Variants in DPH6 observed in about 807,000 individuals in gnomAD.
The protein encoded by DPH6 is diphthine--ammonia ligase.
Under a neutral mutation model 38.2 loss-of-function variants are expected in DPH6, and 33 were observed. That is an observed-to-expected ratio of 0.86 (90% CI 0.65 to 1.15). The LOEUF is 1.15. Among genes scored for constraint, DPH6 ranks in the 50% most tolerant of loss-of-function variants. DPH6 has a pLI of 0.00. For synonymous variants in DPH6, 108 were observed against 103.0 expected (o/e 1.05, Z -0.30); for missense variants, 325 against 320.0 (o/e 1.02, Z -0.12).
intron 3 of DPH6, among the ~76,000 whole-genome samples, chr15:35,477,824 T>C (rs1254866047): frequency 6.6e-6 from 1 of 151,922 alleles, no homozygotes; most frequent in Non-Finnish European, 1.5e-5. Flanking sequence ...TGCTTTCAAT[T>C]TAATTAGTAT....
chr15:35,460,921 AG>A (rs1382498222), intron 3 of DPH6, among the ~76,000 whole-genome samples: 13 of 151,212 alleles, frequency 8.6e-5, no homozygotes, highest in African/African-American at 2.7e-4. Context: ...AAAAAAAAAA[AG>A]GTTCATTACT....
intron 3 of DPH6, among the ~76,000 whole-genome samples, chr15:35,269,530 G>A (rs1032853545): frequency 1.3e-5 from 2 of 151,260 alleles, no homozygotes; most frequent in South Asian, 4.2e-4. Context: ...TCTGCCTCCC[G>A]GGGTCACGCC....
the DPH6 span, among the ~76,000 whole-genome samples, chr15:35,195,899 G>A: frequency 6.6e-6 from 1 of 152,000 alleles, no homozygotes; most frequent in East Asian, 1.9e-4. Context: ...CTATCTACGG[G>A]AATTTCAGCT....
intron 3 of DPH6, among the ~76,000 whole-genome samples, chr15:35,228,642 A>G (rs1395345555): frequency 6.6e-6 from 1 of 152,110 alleles, no homozygotes; most frequent in African/African-American, 2.4e-5. Flanking sequence ...GCCCAGGCTG[A>G]ACCAGTGAGT....
chr15:35,349,243 G>A (rs1404284735), intron 3 of DPH6, among the ~76,000 whole-genome samples: 1 of 152,060 alleles, frequency 6.6e-6, no homozygotes, highest in Non-Finnish European at 1.5e-5. Flanking sequence ...ATCTTAAGAG[G>A]AAAAGCTTAC....
At chr15:35,199,054 G>C in the DPH6 span, among the ~76,000 whole-genome samples, 1 of 151,938 alleles carries the variant, frequency 6.6e-6, no homozygotes, top group Admixed American at 6.6e-5. Flanking sequence ...CGAGTAGCTG[G>C]GACTACAGGC....
At chr15:35,277,222 C>T (rs1373941481) in intron 3 of DPH6, among the ~76,000 whole-genome samples, 2 of 152,106 alleles carry the variant, frequency 1.3e-5, no homozygotes, top group East Asian at 3.9e-4. Context: ...TGATTCTCAG[C>T]TTGGTTCCTG....
intron 3 of DPH6, among the ~76,000 whole-genome samples, chr15:35,512,015 G>T (rs1314117525): frequency 1.3e-5 from 2 of 151,938 alleles, no homozygotes; most frequent in Admixed American, 6.6e-5. Flanking sequence ...AATAATAAAA[G>T]TTCATAAAAA....
the DPH6 span, among the ~76,000 whole-genome samples, chr15:35,175,642 A>G: frequency 1.5e-5 from 2 of 134,762 alleles, no homozygotes; most frequent in Non-Finnish European, 3.2e-5. Context: ...ACCAACACAT[A>G]AATGTTATAT....
chr15:35,165,944 A>G, the DPH6 span, among the ~76,000 whole-genome samples: 1 of 151,948 alleles, frequency 6.6e-6, no homozygotes, highest in African/African-American at 2.4e-5. Flanking sequence ...CATATCAGTT[A>G]ATTTGGGGGC....
intron 3 of DPH6, among the ~76,000 whole-genome samples, chr15:35,473,685 T>C (rs1013897462): frequency 3.9e-5 from 6 of 152,040 alleles, no homozygotes; most frequent in African/African-American, 9.7e-5. Flanking sequence ...TAAAAACTTA[T>C]AGATATATTC....
chr15:35,245,111 A>T (rs1201817793), intron 3 of DPH6, among the ~76,000 whole-genome samples: 1 of 152,198 alleles, frequency 6.6e-6, no homozygotes, highest in Admixed American at 6.5e-5. Context: ...GGAAAAAAAA[A>T]TGAACAATTT....
chr15:35,231,748 G>C (rs982717818), intron 3 of DPH6, among the ~76,000 whole-genome samples: 5 of 152,170 alleles, frequency 3.3e-5, no homozygotes, highest in Non-Finnish European at 7.3e-5. Context: ...TCGGCTTCTG[G>C]TGAGGCCTCA....
chr15:35,387,750 G>A (rs547345095), intron 6 of DPH6, among the ~76,000 whole-genome samples: 13 of 152,206 alleles, frequency 8.5e-5, no homozygotes, highest in East Asian at 7.7e-4. Context: ...GGGCTGAGAC[G>A]ATGGGGTTTT....
At chr15:35,447,321 A>G (rs994041037) in intron 5 of DPH6, among the ~76,000 whole-genome samples, 1 of 152,156 alleles carries the variant, frequency 6.6e-6, no homozygotes, top group Non-Finnish European at 1.5e-5. Context: ...TACCACGGAG[A>G]GATACCAAAT....
chr15:35,284,866 G>T (rs1177537584), intron 3 of DPH6, among the ~76,000 whole-genome samples: 1 of 120,988 alleles, frequency 8.3e-6, no homozygotes, highest in Admixed American at 1.2e-4. Context: ...AGGCTGGAAT[G>T]CAGTGGTGCA....
the DPH6 span, among the ~76,000 whole-genome samples, chr15:35,149,644 C>A: frequency 2.6e-5 from 4 of 152,222 alleles, no homozygotes; most frequent in Admixed American, 1.3e-4. Context: ...TCTGGCCTGG[C>A]TATCACCATG....
At chr15:35,334,177 C>G (rs970944066) in intron 3 of DPH6, among the ~76,000 whole-genome samples, 3 of 151,640 alleles carry the variant, frequency 2.0e-5, no homozygotes, top group African/African-American at 7.3e-5. Context: ...AATTTCAGGT[C>G]AAAAAGAAAC....
At chr15:35,459,953 A>G (rs1335072726) in intron 3 of DPH6, among the ~76,000 whole-genome samples, 1 of 152,204 alleles carries the variant, frequency 6.6e-6, no homozygotes, top group Non-Finnish European at 1.5e-5. Context: ...ATGTGAAAAA[A>G]CCAAGGTGAT....
Sources: allele counts gnomAD v4.1 joint callset (sites outside exome capture counted in the v4.1 genomes callset), GRCh38; gene constraint gnomAD v4.1.1; transcripts MANE v1.5; gene names NCBI Gene and HGNC (gene_info 2026-07-23, HGNC 2026-07-21).